Variants in VSIG2 observed in about 807,000 individuals in gnomAD.
VSIG2 encodes the protein V-set and immunoglobulin domain containing 2, also known as V-set and immunoglobulin domain-containing protein 2.
VSIG2 carries 30 observed loss-of-function variants against 29.4 expected under a neutral mutation model. That is an observed-to-expected ratio of 1.02 (90% CI 0.76 to 1.38). The LOEUF (loss-of-function observed/expected upper bound fraction) is 1.38, where lower values mean the gene tolerates loss of function less well. Among genes scored for constraint, VSIG2 ranks in the 40% most tolerant of loss-of-function variants. The pLI is 0.00. For missense variants in VSIG2, 421 were observed against 400.8 expected (o/e 1.05, Z -0.43); for synonymous variants, 178 against 174.2 (o/e 1.02, Z -0.17).
At chr11:124,752,021 G>A in intron 1 of VSIG2, 56 bp downstream of exon 1, 2 of 1,504,346 alleles carry the variant, frequency 1.3e-6, no homozygotes, top group South Asian at 1.3e-5. Context: ...AGGAGCCGGG[G>A]AAGCCAGGCC....
chr11:124,749,947 T>TGGG, intron 3 of VSIG2, 81 bp from the exon 4 acceptor site: 6 of 1,402,882 alleles, frequency 4.3e-6, no homozygotes, highest in Non-Finnish European at 5.6e-6. Flanking sequence ...CATTAGGTGC[T>TGGG]ACATTCTCTA....
At chr11:124,748,286 C>G in intron 6 of VSIG2, 104 bp downstream of exon 6, 2 of 1,311,784 alleles carry the variant, frequency 1.5e-6, no homozygotes, top group South Asian at 1.4e-5. Context: ...ACCTCCTGCC[C>G]CTAAACACAC....
At chr11:124,751,989 T>C in intron 1 of VSIG2, 88 bp downstream of exon 1, 2 of 1,414,320 alleles carry the variant, frequency 1.4e-6, no homozygotes, top group Non-Finnish European at 1.9e-6. Context: ...TCATCTGGCC[T>C]GGCGGGGACA....
Position 124,749,756 on chromosome 11 carries a change from C to G in VSIG2, c.538G>C (p.Val180Leu). The G allele has an allele frequency of 6.2e-7, 1 of 1,613,668 alleles. No homozygotes were observed. Among genetic ancestry groups the G allele is most frequent in the Non-Finnish European group, 8.5e-7 (1 of 1,179,942 alleles). Residue 180 changes from valine to leucine, a missense_variant, in exon 4 of 7, where the codon GTG becomes CTG. Physicochemically the swap from Val to Leu is conservative, Grantham distance 32. Transcript: ENST00000326621. Reference protein sequence around the residue: ...EGAPKPVYNWVRLGTFPTPSP... With the variant: ...EGAPKPVYNWLRLGTFPTPSP... Reference sequence around the variant, plus strand: ...GGTGTAGGAAAAGTTCCAAGACGCACCCAGTTGTACACTGGCTTAGGAGCC... The same window carrying G: ...GGTGTAGGAAAAGTTCCAAGACGCAGCCAGTTGTACACTGGCTTAGGAGCC...
intron 6 of VSIG2, chr11:124,748,020 A>C: frequency 5.6e-6 from 2 of 356,864 alleles, no homozygotes; most frequent in South Asian, 4.4e-5. Context: ...GAAGAATTGA[A>C]CTCAGCTGAC....
At chr11:124,749,913 A>G in intron 3 of VSIG2, 47 bp from the exon 4 acceptor site, 1 of 1,477,014 alleles carries the variant, frequency 6.8e-7, no homozygotes, top group South Asian at 1.4e-5. Context: ...TTCCTCAGCA[A>G]TCTTCCAGCC....
At chr11:124,751,682 C>G in intron 1 of VSIG2, 102 bp from the exon 2 acceptor site, 1 of 1,271,870 alleles carries the variant, frequency 7.9e-7, no homozygotes, top group South Asian at 1.5e-5. Context: ...GGCTCCCTCC[C>G]CAGAGCACAA....
chr11:124,748,495 A>T lies in VSIG2; in HGVS notation c.746T>A (p.Val249Glu). The T allele has an allele frequency of 1.2e-6, 2 of 1,614,022 alleles. No individual in the cohort carries two copies. The highest frequency in any genetic ancestry group is 1.7e-6 in the Non-Finnish European group (2 of 1,180,016). The change falls in exon 6 of 7, where the codon GTG becomes GAG. Residue 249 changes from valine to glutamate, a missense_variant. Val to Glu is a moderately radical substitution (Grantham distance 121). Transcript: ENST00000326621. The part of the protein sequence containing the change: ...QGRVAGALIG[V>E]LLGVLLLSVA... ...TGACAGCAACAGCACGCCCAGGAGC[A>T]CCCCAATCAGAGCTCCGGCCACTCG...
At chr11:124,751,299 G>A (rs1378216100) in intron 2 of VSIG2, 124 bp downstream of exon 2, 7 of 1,190,112 alleles carry the variant, frequency 5.9e-6, no homozygotes, top group Non-Finnish European at 8.4e-6. Context: ...GATCTAGGGA[G>A]AGCCCACTTA....
chr11:124,750,342 G>A (rs626260), intron 3 of VSIG2, among the ~76,000 whole-genome samples: 4,635 of 152,252 alleles, frequency 0.03, 80 homozygotes, highest in Middle Eastern at 0.071. Flanking sequence ...CAGTAATAGG[G>A]GCCCTTGTTC....
Position 124,747,514 on chromosome 11 carries a change from G to A in VSIG2, c.*21C>T. Reference sequence around the variant, plus strand: ...TTAATTATTGATATTCCCCCTCACCGCCCTCAGGGATCGGGAGAAGTCACA... The same window carrying A: ...TTAATTATTGATATTCCCCCTCACCACCCTCAGGGATCGGGAGAAGTCACA... On this transcript the variant is annotated 3_prime_UTR_variant, in exon 7 of 7. Coordinates refer to ENST00000326621, the MANE Select transcript of VSIG2 (RefSeq NM_014312.5). 1.3e-6 allele frequency: 2 copies of A among 1,596,142 alleles called. No homozygotes were observed. Among genetic ancestry groups the A allele is most frequent in the African/African-American group, 1.4e-5 (1 of 73,806 alleles).
Position 124,749,809 on chromosome 11 carries a change from G to A in VSIG2, c.485C>T (p.Thr162Ile). 4.0e-6 allele frequency: 6 copies of A among 1,501,414 alleles called. No individual in the cohort carries two copies. Among genetic ancestry groups the A allele is most frequent in the Non-Finnish European group, 5.4e-6 (6 of 1,110,228 alleles). 93.0% of individuals were successfully genotyped at this position (1,501,414 alleles called of 1,614,324 possible). A position where few individuals can be genotyped will look rare whatever the true frequency, so the allele number is the denominator to read the frequency against. The change falls in exon 4 of 7, where the codon ACT becomes ATT. Residue 162 changes from threonine to isoleucine, a missense_variant. Thr to Ile is a moderately conservative substitution (Grantham distance 89). Transcript: ENST00000326621. ...CTCGGAAGAGCTGCATCTCAGTGCA[G>A]TAGAGCCTCCCACAGAGGTTTGTCC... The part of the protein sequence containing the change: ...QSGQTSVGGS[T>I]ALRCSSSEGA...
Position 124,751,501 on chromosome 11 carries a change from G to C in VSIG2, c.141C>G (p.Tyr47Ter), listed in dbSNP as rs1424000235. The change falls in exon 2 of 7, where the codon TAC becomes TAG. Residue 47 changes from tyrosine (Y) to a stop codon, truncating the protein, a stop_gained. Coordinates refer to ENST00000326621, the MANE Select transcript of VSIG2 (RefSeq NM_014312.5). LOFTEE classifies it high-confidence loss of function. The part of the protein sequence containing the change: ...LGKTAELTCT[Y>*]STSVGDSFAL... ...CGAAGCTGTCTCCCACCGACGTGCT[G>C]TAGGTGCAGGTCAGCTCGGCTGTCT... The C allele has an allele frequency of 1.2e-6, 2 of 1,613,046 alleles. No individual in the cohort carries two copies. Among genetic ancestry groups the C allele is most frequent in the Admixed American group, 3.3e-5 (2 of 60,026 alleles).
In VSIG2 at chr11:124,748,773, G is replaced by T. The variant is rs1422007650; in HGVS notation, c.587-10C>A. On this transcript the variant is annotated splice_polypyrimidine_tract_variant and intron_variant, in intron 4 of 6. Coordinates refer to ENST00000326621, the MANE Select transcript of VSIG2 (RefSeq NM_014312.5). Reference sequence around the variant, plus strand: ...TGGCCAGACACCTCATCTAGAGGATGAAGAGGAAGTGTTCCACGACTCATT... The same window carrying T: ...TGGCCAGACACCTCATCTAGAGGATTAAGAGGAAGTGTTCCACGACTCATT... 4 of 1,614,204 alleles carry T rather than the reference G, an allele frequency of 2.5e-6. No individual in the cohort carries two copies. The highest frequency in any genetic ancestry group is 4.5e-5 in the East Asian group (2 of 44,882).
At chr11:124,751,311 C>A (rs1398218790) in intron 2 of VSIG2, 112 bp downstream of exon 2, 7 of 1,368,680 alleles carry the variant, frequency 5.1e-6, no homozygotes, top group Non-Finnish European at 6.0e-6. Context: ...GCCCACTTAC[C>A]TTTTCATCCA....
Position 124,752,162 on chromosome 11 carries a change from G to A in VSIG2, c.-25C>T. On this transcript the variant is annotated 5_prime_UTR_variant, in exon 1 of 7. Transcript: ENST00000326621. ...TGGCCGCGTCCGGCCGTCCTGTCCT[G>A]CTCCTGCCAGGTGGGCGGTCAAGGT... The A allele has an allele frequency of 6.5e-7, 1 of 1,549,744 alleles. No homozygotes were observed. Among genetic ancestry groups the A allele is most frequent in the Non-Finnish European group, 8.7e-7 (1 of 1,154,988 alleles).
rs1555108825 is a variant in VSIG2 at position 124,749,884 on chromosome 11, A to AAAAAAAAAAAAC, written c.428-30_428-19dup. 4.5e-4 allele frequency: 659 copies of AAAAAAAAAAAAC among 1,459,362 alleles called. 3 individuals are homozygous for AAAAAAAAAAAAC. In the African/African-American group the frequency reaches 4.7e-3, roughly 10 times the overall value. 90.4% of individuals were successfully genotyped at this position (1,459,362 alleles called of 1,614,324 possible). A position where few individuals can be genotyped will look rare whatever the true frequency, so the allele number is the denominator to read the frequency against. On this transcript the variant is annotated intron_variant, in intron 3 of 6. Transcript: ENST00000326621. ...GGGGGGAACTGCAAAAAAAAAAAAA[A>AAAAAAAAAAAAC]AAAAAAAAAAACAGAAAGTTCCTCA...
rs1461243823 is a variant in VSIG2, at chr11:124,748,466, C to T, written c.775G>A (p.Ala259Thr). The T allele has an allele frequency of 6.2e-7, 1 of 1,614,168 alleles. No homozygotes were observed. Among genetic ancestry groups the T allele is most frequent in the Admixed American group, 1.7e-5 (1 of 60,018 alleles). Residue 259 changes from alanine (A) to threonine (T), a missense_variant, in exon 6 of 7, where the codon GCT becomes ACT. Physicochemically the swap from Ala to Thr is moderately conservative, Grantham distance 58. Transcript: ENST00000326621. ...TGGAACCTGACCAGGCAGAACGCAG[C>T]AACTGACAGCAACAGCACGCCCAGG... ...VLLGVLLLSVAAFCLVRFQKE... is the reference protein window; with the variant it reads ...VLLGVLLLSVTAFCLVRFQKE...
intron 2 of VSIG2, 121 bp downstream of exon 2, chr11:124,751,302 C>A: frequency 2.4e-6 from 3 of 1,228,992 alleles, no homozygotes; most frequent in Admixed American, 1.9e-5. Flanking sequence ...CTAGGGAGAG[C>A]CCACTTACCT....
Sources: allele counts gnomAD v4.1 joint callset (sites outside exome capture counted in the v4.1 genomes callset), GRCh38; gene constraint gnomAD v4.1.1; transcripts MANE v1.5; gene names NCBI Gene and HGNC (gene_info 2026-07-23, HGNC 2026-07-21).